The following RGS6 variants were observed in gnomAD, a reference collection of about 807,000 sequenced individuals.
The protein encoded by RGS6 is regulator of G-protein signaling 6.
In RGS6, 30 loss-of-function variants were observed where a neutral mutation model predicts 78.5. The observed-to-expected ratio is 0.38, with a 90% CI of 0.29 to 0.52. The LOEUF (loss-of-function observed/expected upper bound fraction) is 0.52, where lower values mean the gene tolerates loss of function less well. RGS6 is among the 20% of genes least tolerant of loss of function. The pLI is 0.85. For missense variants in RGS6, 495 were observed against 609.7 expected (o/e 0.81, Z 1.98); for synonymous variants, 206 against 206.0 (o/e 1.00, Z 0.00).
intron 2 of RGS6, among the ~76,000 whole-genome samples, chr14:72,155,902 C>G (rs901896241): frequency 6.6e-6 from 1 of 152,210 alleles, no homozygotes; most frequent in Non-Finnish European, 1.5e-5. Context: ...AGCTCTATGC[C>G]AGTGAGAAAA....
At chr14:72,162,907 A>T (rs1438368889) in intron 2 of RGS6, among the ~76,000 whole-genome samples, 1 of 152,214 alleles carries the variant, frequency 6.6e-6, no homozygotes, top group East Asian at 1.9e-4. Context: ...AGCAACCTGG[A>T]TGGAACTGGA....
chr14:72,555,438 C>T (rs192694198), intron 17 of RGS6, among the ~76,000 whole-genome samples: 7 of 152,340 alleles, frequency 4.6e-5, no homozygotes, highest in Non-Finnish European at 7.4e-5. Context: ...GAAGCCGCTT[C>T]GCAGCATAGA....
chr14:72,135,281 A>C (rs1214800774), intron 2 of RGS6, among the ~76,000 whole-genome samples: 1 of 152,136 alleles, frequency 6.6e-6, no homozygotes, highest in Non-Finnish European at 1.5e-5. Flanking sequence ...AGTTCAAGGT[A>C]CTTTGGTGTC....
intron 2 of RGS6, among the ~76,000 whole-genome samples, chr14:71,997,542 A>G (rs72735960): frequency 0.03 from 4,623 of 152,324 alleles, 105 homozygotes; most frequent in Middle Eastern, 0.065. Flanking sequence ...CAACTTTTCA[A>G]AATGTCTGTG....
At chr14:72,308,142 T>G (rs919482833) in intron 2 of RGS6, among the ~76,000 whole-genome samples, 3 of 152,236 alleles carry the variant, frequency 2.0e-5, no homozygotes, top group Non-Finnish European at 2.9e-5. Flanking sequence ...GCTTCAATTT[T>G]TGTAGTCCTT....
intron 2 of RGS6, among the ~76,000 whole-genome samples, chr14:72,130,241 T>C (rs1403376867): frequency 6.6e-6 from 1 of 152,190 alleles, no homozygotes; most frequent in East Asian, 1.9e-4. Context: ...TCTGTCCCCA[T>C]GAATGGGACA....
intron 2 of RGS6, among the ~76,000 whole-genome samples, chr14:71,979,939 G>A (rs1241065775): frequency 2.1e-5 from 3 of 140,336 alleles, no homozygotes; most frequent in African/African-American, 7.9e-5. Context: ...ATGAATCTGG[G>A]TGCTCCTGTA....
intron 2 of RGS6, among the ~76,000 whole-genome samples, chr14:72,243,316 C>T (rs1398222545): frequency 6.6e-6 from 1 of 152,146 alleles, no homozygotes; most frequent in Non-Finnish European, 1.5e-5. Flanking sequence ...ATTATTCTGG[C>T]AAATCTCAGT....
chr14:72,451,690 CT>C (rs761217361), intron 3 of RGS6, among the ~76,000 whole-genome samples: 3 of 152,192 alleles, frequency 2.0e-5, no homozygotes, highest in Non-Finnish European at 2.9e-5. Flanking sequence ...ATCCGCAGGC[CT>C]GGGGGAGAAC....
rs551068366 is a variant in RGS6 at position 72,487,065 on chromosome 14, G to A, written c.855-8087G>A. Among the ~76,000 whole-genome samples the A allele has an allele frequency of 3.8e-4, 58 of 152,060 alleles. 1 individual carries two copies. Among genetic ancestry groups the A allele is most frequent in the African/African-American group, 1.4e-3 (57 of 41,466 alleles). On this transcript the variant is annotated intron_variant, in intron 12 of 17. Transcript: ENST00000553525. ...GGGAGAGCAGTTGAGGCAGCAGACT[G>A]CTAAATGCCCAGGTCACCCATGGGA...
the RGS6 span, among the ~76,000 whole-genome samples, chr14:71,921,477 T>C: frequency 2.0e-5 from 3 of 152,244 alleles, no homozygotes; most frequent in African/African-American, 7.2e-5. Context: ...CCTACATGTC[T>C]ACCGATGGAT....
At chr14:72,446,999 C>T (rs1399411655) in intron 3 of RGS6, among the ~76,000 whole-genome samples, 1 of 152,152 alleles carries the variant, frequency 6.6e-6, no homozygotes, top group African/African-American at 2.4e-5. Context: ...GGCCAGGGAC[C>T]ATTACCTGTT....
chr14:72,438,551 T>C (rs2095046953), intron 3 of RGS6, among the ~76,000 whole-genome samples: 1 of 152,192 alleles, frequency 6.6e-6, no homozygotes, highest in Admixed American at 6.5e-5. Context: ...ACCCAACTAG[T>C]TAAGCTAGAA....
intron 2 of RGS6, among the ~76,000 whole-genome samples, chr14:72,119,335 G>A (rs1165990687): frequency 1.3e-5 from 2 of 152,160 alleles, no homozygotes; most frequent in Non-Finnish European, 2.9e-5. Flanking sequence ...TTAAGCTACT[G>A]TTGAGTTTCA....
intron 2 of RGS6, among the ~76,000 whole-genome samples, chr14:72,317,731 A>G (rs1280534240): frequency 6.6e-6 from 1 of 152,214 alleles, no homozygotes; most frequent in African/African-American, 2.4e-5. Context: ...TTAAATTTTA[A>G]GATGTCATCA....
At position 72,506,201 on chromosome 14, in the gene RGS6, T is replaced by A. The variant is rs2096796744; in HGVS notation, c.966-3953T>A. Among the ~76,000 whole-genome samples, 2 of 151,974 alleles carry A rather than the reference T, an allele frequency of 1.3e-5. 1 individual carries two copies. The highest frequency in any genetic ancestry group is 1.3e-4 in the Admixed American group (2 of 15,270). ...GTCCTATGCTCATTACAAAGACACA[T>A]GAAATATGGTCCCTGACCTCAAAGA... On this transcript the variant is annotated intron_variant, in intron 13 of 17. Transcript: ENST00000553525.
intron 3 of RGS6, among the ~76,000 whole-genome samples, chr14:72,406,606 C>G (rs142831733): frequency 4.9e-4 from 74 of 152,312 alleles, no homozygotes; most frequent in Admixed American, 1.2e-3. Context: ...CTGCCACTAG[C>G]TACCAGATTT....
At chr14:71,962,579 T>G (rs1397242840) in intron 1 of RGS6, among the ~76,000 whole-genome samples, 1 of 152,244 alleles carries the variant, frequency 6.6e-6, no homozygotes, top group African/African-American at 2.4e-5. Flanking sequence ...CATTTAATTT[T>G]AAAAGCCATT....
At chr14:71,899,887 A>G in the RGS6 span, among the ~76,000 whole-genome samples, 5 of 152,188 alleles carry the variant, frequency 3.3e-5, no homozygotes, top group African/African-American at 9.7e-5. Context: ...TCTGTGACTG[A>G]TTCTTTTCCT....
Sources: gnomAD v4.1 joint callset for allele counts (sites outside exome capture counted in the v4.1 genomes callset) on GRCh38, gnomAD v4.1.1 for gene constraint, MANE v1.5 for transcripts, NCBI Gene and HGNC (gene_info 2026-07-23, HGNC 2026-07-21) for gene names.